STK32B: variants seen among roughly 807,000 people sequenced by gnomAD.
STK32B encodes serine/threonine-protein kinase 32B.
STK32B carries 43 observed loss-of-function variants against 52.6 expected under a neutral mutation model. The observed-to-expected ratio is 0.82, with a 90% CI of 0.64 to 1.05. The LOEUF (loss-of-function observed/expected upper bound fraction) is 1.05. Ranked by LOEUF, STK32B falls within the 50% of genes least tolerant of loss-of-function variation. The pLI is 0.00. For missense variants in STK32B, 621 were observed against 534.6 expected (o/e 1.16, Z -1.59); for synonymous variants, 238 against 204.3 (o/e 1.17, Z -1.41).
chr4:5,477,277 C>T (rs1718310032), intron 11 of STK32B, among the ~76,000 whole-genome samples: 3 of 152,176 alleles, frequency 2.0e-5, no homozygotes, highest in South Asian at 2.1e-4. Flanking sequence ...CCTTAAAGTT[C>T]ATTTTCACTA....
At chr4:5,337,601 G>A (rs990224646) in intron 4 of STK32B, among the ~76,000 whole-genome samples, 8 of 152,050 alleles carry the variant, frequency 5.3e-5, no homozygotes, top group East Asian at 1.9e-4. Flanking sequence ...CAGAGACCCC[G>A]GGAGAGACTT....
chr4:5,186,864 G>A (rs1254654322), intron 3 of STK32B, among the ~76,000 whole-genome samples: 2 of 152,288 alleles, frequency 1.3e-5, no homozygotes, highest in East Asian at 3.9e-4. Flanking sequence ...AAGATACCAG[G>A]TGTGTAATGT....
intron 2 of STK32B, among the ~76,000 whole-genome samples, chr4:5,146,920 A>T (rs1338463979): frequency 6.6e-6 from 1 of 152,136 alleles, no homozygotes; most frequent in African/African-American, 2.4e-5. Flanking sequence ...TTTTCATACA[A>T]ATTTTGGAGT....
chr4:5,491,685 T>C (rs1441985272), intron 11 of STK32B, among the ~76,000 whole-genome samples: 2 of 152,070 alleles, frequency 1.3e-5, no homozygotes, highest in Non-Finnish European at 2.9e-5. Flanking sequence ...ATGCCTAGGT[T>C]TTCTTCTAGG....
intron 2 of STK32B, 51 bp downstream of exon 2, chr4:5,140,011 G>A (rs770225061): frequency 6.2e-7 from 1 of 1,603,670 alleles, no homozygotes; most frequent in Middle Eastern, 1.7e-4. Flanking sequence ...GTGTATATTT[G>A]TGTGTCTGTG....
chr4:5,060,976 T>C (rs1742196449), intron 1 of STK32B, among the ~76,000 whole-genome samples: 1 of 152,216 alleles, frequency 6.6e-6, no homozygotes, highest in South Asian at 2.1e-4. Flanking sequence ...TGTGCATAGG[T>C]ATGATGATCC....
intron 3 of STK32B, among the ~76,000 whole-genome samples, chr4:5,282,583 A>T (rs1222256367): frequency 6.6e-6 from 1 of 152,116 alleles, no homozygotes; most frequent in African/African-American, 2.4e-5. Flanking sequence ...GATGATACAA[A>T]GTTTTTATGT....
chr4:5,433,891 A>G (rs893124503), intron 6 of STK32B, among the ~76,000 whole-genome samples: 1 of 152,230 alleles, frequency 6.6e-6, no homozygotes, highest in African/African-American at 2.4e-5. Context: ...CCACATGCAC[A>G]TCTACATTTC....
chr4:5,219,022 T>C (rs950943334), intron 3 of STK32B, among the ~76,000 whole-genome samples: 6 of 152,218 alleles, frequency 3.9e-5, no homozygotes, highest in African/African-American at 1.4e-4. Flanking sequence ...TTGTGGGGCC[T>C]GGAGAGCCCC....
chr4:5,128,097 A>C (rs1385617673), intron 1 of STK32B, among the ~76,000 whole-genome samples: 2 of 152,170 alleles, frequency 1.3e-5, no homozygotes, highest in African/African-American at 4.8e-5. Context: ...AAAACAGACT[A>C]ATACAGCTGG....
chr4:5,362,740 G>A (rs1734629312), intron 4 of STK32B, among the ~76,000 whole-genome samples: 2 of 152,112 alleles, frequency 1.3e-5, no homozygotes, highest in South Asian at 4.1e-4. Flanking sequence ...AGAAGGCTGG[G>A]GTGAATACCC....
At chr4:5,089,753 G>A (rs1435335443) in intron 1 of STK32B, among the ~76,000 whole-genome samples, 1 of 152,052 alleles carries the variant, frequency 6.6e-6, no homozygotes, top group Non-Finnish European at 1.5e-5. Context: ...GGTATTTTTG[G>A]TTCCAGATCC....
intron 11 of STK32B, among the ~76,000 whole-genome samples, chr4:5,471,866 A>G (rs970802602): frequency 5.9e-5 from 9 of 152,212 alleles, no homozygotes; most frequent in African/African-American, 2.2e-4. Context: ...TGCAACTCCT[A>G]CATTCAATGT....
intron 1 of STK32B, among the ~76,000 whole-genome samples, chr4:5,080,602 C>T (rs942538490): frequency 1.3e-5 from 2 of 152,196 alleles, no homozygotes; most frequent in African/African-American, 4.8e-5. Flanking sequence ...CATTTACAAC[C>T]CCACTAAAAT....
intron 1 of STK32B, among the ~76,000 whole-genome samples, chr4:5,102,490 T>TTCCTTCCTTCCG: frequency 1.3e-5 from 1 of 79,946 alleles, no homozygotes; most frequent in East Asian, 4.5e-4. Flanking sequence ...CCTTCCTTCC[T>TTCCTTCCTTCCG]TCCCTCCCTC....
intron 3 of STK32B, among the ~76,000 whole-genome samples, chr4:5,271,534 T>C (rs1171766071): frequency 2.0e-5 from 3 of 149,716 alleles, no homozygotes; most frequent in Non-Finnish European, 4.4e-5. Context: ...TTTCCAATTC[T>C]GTGAAGAAAG....
chr4:5,263,455 A>G (rs1181999343), intron 3 of STK32B, among the ~76,000 whole-genome samples: 2 of 152,148 alleles, frequency 1.3e-5, no homozygotes, highest in Non-Finnish European at 2.9e-5. Flanking sequence ...CTGTTGGAGC[A>G]CTGATGTCCA....
intron 11 of STK32B, among the ~76,000 whole-genome samples, chr4:5,491,333 G>C (rs112791644): frequency 6.6e-6 from 1 of 152,152 alleles, no homozygotes; most frequent in African/African-American, 2.4e-5. Context: ...GGCCAGTGAT[G>C]GTGAGCATTT....
intron 3 of STK32B, 89 bp downstream of exon 3, chr4:5,168,539 T>G (rs750297807): frequency 7.0e-7 from 1 of 1,422,320 alleles, no homozygotes; most frequent in Non-Finnish European, 9.3e-7. Context: ...TCTTCCGCAT[T>G]GTAAAGGGAA....
Sources: allele counts gnomAD v4.1 joint callset (sites outside exome capture counted in the v4.1 genomes callset), GRCh38; gene constraint gnomAD v4.1.1; transcripts MANE v1.5; gene names NCBI Gene and HGNC (gene_info 2026-07-23, HGNC 2026-07-21).